CELSR1: variants seen among roughly 807,000 people sequenced by gnomAD.
CELSR1 encodes the protein adhesion G protein-coupled receptor C1.
Under a neutral mutation model 249.1 loss-of-function variants are expected in CELSR1, and 110 were observed. That is an observed-to-expected ratio of 0.44 (90% CI 0.38 to 0.52). CELSR1 has a LOEUF of 0.52. CELSR1 is among the 20% of genes least tolerant of loss of function. CELSR1 has a pLI of 0.00. For synonymous variants in CELSR1, 2,113 were observed against 1,900.0 expected, an observed-to-expected ratio of 1.11 and a Z score of -2.92; for missense variants, 4,109 against 4,296.4, an observed-to-expected ratio of 0.96 and a Z score of 1.22.
At position 46,396,825 on chromosome 22, in the gene CELSR1, C is replaced by A. The variant is rs1251110975; in HGVS notation, c.5702-79G>T. The A allele has an allele frequency of 5.9e-6, 9 of 1,532,904 alleles. No individual in the cohort carries two copies. Among genetic ancestry groups the A allele is most frequent in the African/African-American group, 1.4e-5 (1 of 72,622 alleles). The allele number at this position is 1,532,904 out of a possible 1,614,324, so 95.0% of individuals were successfully genotyped here. A position where few individuals can be genotyped will look rare whatever the true frequency, so the allele number is the denominator to read the frequency against. ...GTTAAAATATCTGGAGCAACCTGTC[C>A]CCTCCAGAAGATCTGACTTTCCCTG... On this transcript the variant is annotated intron_variant, in intron 12 of 34. Coordinates refer to ENST00000674500, the MANE Select transcript of CELSR1 (RefSeq NM_001378328.1). This position sits in a 1 kb window ranked among gnomAD's most constrained non-coding sequence, Gnocchi z 6.4.
chr22:46,485,808 C>T (rs2080307319), intron 1 of CELSR1, among the ~76,000 whole-genome samples: 1 of 152,164 alleles, frequency 6.6e-6, no homozygotes, highest in African/African-American at 2.4e-5. Context: ...AAACAGAACC[C>T]TGTTCTGCAA....
Position 46,410,031 on chromosome 22 carries a change from A to G in CELSR1, c.4934-151T>C, listed in dbSNP as rs974783536. 1 of 980,324 alleles carries G rather than the reference A, an allele frequency of 1.0e-6. No individual in the cohort carries two copies. The highest frequency in any genetic ancestry group is 1.6e-5 in the South Asian group (1 of 64,028). 60.7% of individuals were successfully genotyped at this position (980,324 alleles called of 1,614,324 possible). On this transcript the variant is annotated intron_variant, in intron 7 of 34. Coordinates refer to ENST00000674500, the MANE Select transcript of CELSR1 (RefSeq NM_001378328.1). This position sits in a 1 kb window ranked among gnomAD's most constrained non-coding sequence, Gnocchi z 6.8. ...GAACGCCCCTGGCAACGGCAGGAAC[A>G]TGGGAACTAAGAAGGTGCTGAACGC... is the stretch of plus-strand genomic sequence containing the variant.
chr22:46,533,964 C>T lies in CELSR1; in HGVS notation c.3207G>A (p.Glu1069=), dbSNP rs1428291604. ...ACGTGGCCTGCACCACCAGCACATACTCCCGCCGGACCTCAAAGTCCAGCT... is the reference window on the plus strand; with the variant it reads ...ACGTGGCCTGCACCACCAGCACATATTCCCGCCGGACCTCAAAGTCCAGCT... The part of the protein sequence containing the change: ...MVELDFEVRR[E]YVLVVQATSA... The change falls in exon 1 of 35, where the codon GAG becomes GAA. Residue 1069 remains glutamate (E), a synonymous_variant. Coordinates refer to ENST00000674500, the MANE Select transcript of CELSR1 (RefSeq NM_001378328.1). 13 of 1,613,354 alleles carry T rather than the reference C, an allele frequency of 8.1e-6. No homozygotes were observed. The highest frequency in any genetic ancestry group is 1.1e-5 in the South Asian group (1 of 91,088).
chr22:46,535,194 C>T lies in CELSR1; in HGVS notation c.1977G>A (p.Ala659=), dbSNP rs759237666. ...EVEHYSFGVE[A]VDHGSPPMSS... Reference sequence around the variant, plus strand: ...TCATGGGGGGCGAGCCGTGGTCCACCGCCTCCACCCCGAAGCTGTAGTGCT... The same window carrying T: ...TCATGGGGGGCGAGCCGTGGTCCACTGCCTCCACCCCGAAGCTGTAGTGCT... Residue 659 remains alanine (A), a synonymous_variant, in exon 1 of 35, where the codon GCG becomes GCA. Transcript: ENST00000674500. 6.2e-7 allele frequency: 1 copy of T among 1,608,968 alleles called. No homozygotes were observed. The highest frequency in any genetic ancestry group is 8.5e-7 in the Non-Finnish European group (1 of 1,179,798).
chr22:46,537,285 G>T lies in CELSR1; in HGVS notation c.-115C>A. ...CTCCCGGGCGCCCGGCCCTCGGGGCGGTCCGCGTCCCGCCTCCCCGGGGGC... is the reference window on the plus strand; with the variant it reads ...CTCCCGGGCGCCCGGCCCTCGGGGCTGTCCGCGTCCCGCCTCCCCGGGGGC... On this transcript the variant is annotated 5_prime_UTR_variant, in exon 1 of 35. Transcript: ENST00000674500. The surrounding 1 kb of genome is among the most constrained non-coding windows in gnomAD (Gnocchi z 5.8). 1.0e-6 allele frequency: 1 copy of T among 992,098 alleles called. No homozygotes were observed. Among genetic ancestry groups the T allele is most frequent in the Non-Finnish European group, 1.2e-6 (1 of 833,670 alleles). The allele number at this position is 992,098 out of a possible 1,614,324, so 61.5% of individuals were successfully genotyped here.
rs147947454 is a variant in CELSR1, at chr22:46,441,737, T to C, written c.4184-2326A>G. 4.2e-3 allele frequency among the ~76,000 whole-genome samples: 644 copies of C among 152,260 alleles called. 3 individuals are homozygous for C. Among genetic ancestry groups the C allele is most frequent in the Non-Finnish European group, 6.5e-3 (445 of 68,012 alleles). The stretch of plus-strand genomic sequence containing the variant: ...ACCTAATCACCTCCTAAAGCACCCA[T>C]CCTGGGGCATAGGGCTTCAATGTAG... On this transcript the variant is annotated intron_variant, in intron 2 of 34. Transcript: ENST00000674500. This position sits in a 1 kb window ranked among gnomAD's most constrained non-coding sequence, Gnocchi z 6.1.
intron 1 of CELSR1, among the ~76,000 whole-genome samples, chr22:46,467,526 G>T (rs1421535725): frequency 6.7e-6 from 1 of 150,056 alleles, no homozygotes; most frequent in Non-Finnish European, 1.5e-5. Context: ...TATATATATA[G>T]AAAACTCTGG....
In CELSR1 at chr22:46,439,320, G is replaced by A. The variant is rs749118420; in HGVS notation, c.4275C>T (p.Gly1425=). 3 of 1,613,800 alleles carry A rather than the reference G, an allele frequency of 1.9e-6. No homozygotes were observed. Among genetic ancestry groups the A allele is most frequent in the South Asian group, 1.1e-5 (1 of 91,080 alleles). Residue 1425 remains glycine (G), a synonymous_variant, in exon 3 of 35, where the codon GGC becomes GGT. Transcript: ENST00000674500. ...CGCCAGGAGGACACACGCAGTGGAA[G>A]CCGCCGATGAGCAGGTTCACGCAGG... ...GGTCVNLLIG[G]FHCVCPPGEY... is the part of the protein sequence containing the mutation.
At chr22:46,404,626 A>T (rs2036199505) in intron 9 of CELSR1, among the ~76,000 whole-genome samples, 1 of 152,054 alleles carries the variant, frequency 6.6e-6, no homozygotes, top group Admixed American at 6.5e-5. Context: ...GGGCACACAC[A>T]CACAAAAAAA....
rs2079832169 is a variant in CELSR1, at chr22:46,447,320, A to G, written c.4184-7909T>C. Among the ~76,000 whole-genome samples, 1 of 152,204 alleles carries G rather than the reference A, an allele frequency of 6.6e-6. No homozygotes were observed. The highest frequency in any genetic ancestry group is 2.1e-4 in the South Asian group (1 of 4,824). On this transcript the variant is annotated intron_variant, in intron 2 of 34. Coordinates refer to ENST00000674500, the MANE Select transcript of CELSR1 (RefSeq NM_001378328.1). The surrounding 1 kb of genome is among the most constrained non-coding windows in gnomAD (Gnocchi z 4.7). ...TAAGACACACTATTTTCATAAAATA[A>G]ATGTTCAGCTATGCTGACTATCAGG...
intron 5 of CELSR1, among the ~76,000 whole-genome samples, chr22:46,426,938 GT>G (rs2079544210): frequency 2.0e-5 from 3 of 152,248 alleles, no homozygotes; most frequent in African/African-American, 7.2e-5. Flanking sequence ...CCAGCCTTGT[GT>G]GTTCTGTTAC....
chr22:46,378,912 G>A lies in CELSR1; in HGVS notation c.7257-195C>T, dbSNP rs78852768. 2.4e-3 allele frequency among the ~76,000 whole-genome samples: 360 copies of A among 152,146 alleles called. 1 individual carries two copies. Among genetic ancestry groups the A allele is most frequent in the African/African-American group, 8.3e-3 (345 of 41,456 alleles). On this transcript the variant is annotated intron_variant, in intron 22 of 34. Transcript: ENST00000674500. Reference sequence around the variant, plus strand: ...GTGTTCCTCACCAGCCCCCTACACCGAAGACAAGAGCCACCTGGCTGTAAG... The same window carrying A: ...GTGTTCCTCACCAGCCCCCTACACCAAAGACAAGAGCCACCTGGCTGTAAG...
At chr22:46,369,335 CT>C in intron 26 of CELSR1, 77 bp from the exon 27 acceptor site, 2 of 1,286,990 alleles carry the variant, frequency 1.6e-6, no homozygotes, top group East Asian at 4.6e-5. Flanking sequence ...GCCTGAGGCC[CT>C]TCGCCCTGTC....
intron 30 of CELSR1, among the ~76,000 whole-genome samples, 175 bp downstream of exon 30, chr22:46,366,209 GGC>G (rs373541694): frequency 3.8e-3 from 13 of 3,398 alleles, no homozygotes; most frequent in East Asian, 7.2e-3. Context: ...GAAGGTGCGA[GGC>G]GGGGAGGGAA....
intron 1 of CELSR1, among the ~76,000 whole-genome samples, chr22:46,495,742 G>A (rs1449724789): frequency 6.6e-6 from 1 of 152,190 alleles, no homozygotes; most frequent in Non-Finnish European, 1.5e-5. Flanking sequence ...TTGAACCTGG[G>A]AGGCGAAGGT....
At position 46,430,170 on chromosome 22, in the gene CELSR1, C is replaced by A. The variant is rs368650683; in HGVS notation, c.4611+3223G>T. The stretch of plus-strand genomic sequence containing the variant: ...CCCACACCTCAGAGACACAGCCACT[C>A]TGGAGGGCGGGGGACAGAGAACGAG... On this transcript the variant is annotated intron_variant, in intron 5 of 34. Coordinates refer to ENST00000674500, the MANE Select transcript of CELSR1 (RefSeq NM_001378328.1). The surrounding 1 kb of genome is among the most constrained non-coding windows in gnomAD (Gnocchi z 4.6). Among the ~76,000 whole-genome samples the A allele has an allele frequency of 6.6e-6, 1 of 152,218 alleles. No individual in the cohort carries two copies. Among genetic ancestry groups the A allele is most frequent in the Non-Finnish European group, 1.5e-5 (1 of 68,036 alleles).
rs558254641 is a variant in CELSR1, at chr22:46,489,044, C to A, written c.3545-24699G>T. 5.9e-5 allele frequency among the ~76,000 whole-genome samples: 9 copies of A among 152,210 alleles called. No individual in the cohort carries two copies. In the East Asian group the frequency reaches 9.7e-4, roughly 16 times the overall value. On this transcript the variant is annotated intron_variant, in intron 1 of 34. Transcript: ENST00000674500. The stretch of plus-strand genomic sequence containing the variant: ...GCTCAGACCCCCAGACACACCCACA[C>A]CCCATGGCAGGGCAGGGCCACCTTC...
intron 1 of CELSR1, among the ~76,000 whole-genome samples, chr22:46,524,371 G>C (rs1293916945): frequency 1.3e-5 from 2 of 152,178 alleles, no homozygotes; most frequent in Non-Finnish European, 2.9e-5. Flanking sequence ...CCCTGTGCTT[G>C]GGACACGCGT....
intron 18 of CELSR1, among the ~76,000 whole-genome samples, 198 bp from the exon 19 acceptor site, chr22:46,386,783 C>T (rs1423894396): frequency 2.0e-5 from 3 of 152,058 alleles, no homozygotes; most frequent in African/African-American, 2.4e-5. Context: ...GACACACTTC[C>T]GCTCTTGTCG....
Sources: gnomAD v4.1 joint callset for allele counts (sites outside exome capture counted in the v4.1 genomes callset) on GRCh38, gnomAD v4.1.1 for gene constraint, Gnocchi (gnomAD v3.1) non-coding constraint, MANE v1.5 for transcripts, NCBI Gene and HGNC (gene_info 2026-07-23, HGNC 2026-07-21) for gene names.